The following ADAM19 variants were observed in gnomAD, a reference collection of about 807,000 sequenced individuals.
ADAM19 encodes ADAM metallopeptidase domain 19, also known as disintegrin and metalloproteinase domain-containing protein 19.
ADAM19 carries 65 observed loss-of-function variants against 114.7 expected under a neutral mutation model. That is an observed-to-expected ratio of 0.57 (90% CI 0.46 to 0.70). The LOEUF (loss-of-function observed/expected upper bound fraction) is 0.70, where lower values mean the gene tolerates loss of function less well. ADAM19 is among the 30% of genes least tolerant of loss of function. ADAM19 has a pLI of 0.00. For missense variants in ADAM19, 1,063 were observed against 1,204.7 expected (o/e 0.88, Z 1.74); for synonymous variants, 466 against 460.5 (o/e 1.01, Z -0.15).
intron 6 of ADAM19, among the ~76,000 whole-genome samples, chr5:157,519,477 G>A (rs1756208619): frequency 6.6e-6 from 1 of 152,160 alleles, no homozygotes; most frequent in Admixed American, 6.6e-5. Flanking sequence ...TAGAGATGGG[G>A]TTTCGCCATG....
At chr5:157,491,588 C>T (rs1301825128) in intron 18 of ADAM19, 27 bp downstream of exon 18, 1 of 1,436,554 alleles carries the variant, frequency 7.0e-7, no homozygotes, top group East Asian at 2.5e-5. Flanking sequence ...CAAAAGCGGG[C>T]AGTGGCCCCA....
intron 3 of ADAM19, among the ~76,000 whole-genome samples, chr5:157,544,889 G>A (rs1198390253): frequency 6.6e-6 from 1 of 152,120 alleles, no homozygotes; most frequent in African/African-American, 2.4e-5. Context: ...GAATGTAAGA[G>A]GGTATGAGGA....
At chr5:157,546,902 A>G (rs1039443227) in intron 3 of ADAM19, among the ~76,000 whole-genome samples, 2 of 152,172 alleles carry the variant, frequency 1.3e-5, no homozygotes, top group African/African-American at 4.8e-5. Flanking sequence ...CAATGATATC[A>G]TTGTTTTCAA....
At chr5:157,560,688 T>C (rs1757487291) in intron 3 of ADAM19, among the ~76,000 whole-genome samples, 2 of 152,224 alleles carry the variant, frequency 1.3e-5, no homozygotes, top group Non-Finnish European at 2.9e-5. Flanking sequence ...CTGTATGTGA[T>C]TGTGTCTGTG....
chr5:157,567,665 C>T (rs560406416), intron 2 of ADAM19, among the ~76,000 whole-genome samples: 176 of 152,162 alleles, frequency 1.2e-3, no homozygotes, highest in African/African-American at 3.7e-3. Flanking sequence ...GGCATGGTGG[C>T]GCATGCCTGT....
rs564830672 is a variant in ADAM19, at chr5:157,536,623, G to GTC, written c.330+1288_330+1289dup. Among the ~76,000 whole-genome samples, 237 of 149,334 alleles carry GTC rather than the reference G, an allele frequency of 1.6e-3. 1 individual carries two copies. The highest frequency in any genetic ancestry group is 5.3e-3 in the African/African-American group (213 of 40,560). On this transcript the variant is annotated intron_variant, in intron 4 of 22. Transcript: ENST00000257527. ...AGCCTAGGTTACAGAGTGAAACTCT[G>GTC]TCACACACACACACACACACAAAAT...
chr5:157,505,650 C>T lies in ADAM19; in HGVS notation c.1130+19G>A, dbSNP rs1478306544. 3.1e-6 allele frequency: 5 copies of T among 1,613,054 alleles called. No individual in the cohort carries two copies. Among genetic ancestry groups the T allele is most frequent in the Admixed American group, 1.7e-5 (1 of 59,926 alleles). ...GTGCCCGCCCTCCTCCCCATCCTCC[C>T]TCTTGCTGTTTGACTCACCCAGTGG... On this transcript the variant is annotated intron_variant, in intron 11 of 22. Coordinates refer to ENST00000257527, the MANE Select transcript of ADAM19 (RefSeq NM_033274.5).
At chr5:157,502,672 A>G (rs1755606458) in intron 12 of ADAM19, 131 bp downstream of exon 12, 1 of 965,968 alleles carries the variant, frequency 1.0e-6, no homozygotes, top group African/African-American at 1.6e-5. Context: ...CTGATTTTTC[A>G]TGGGGTATTG....
chr5:157,535,007 C>CT (rs1413427032), intron 4 of ADAM19, among the ~76,000 whole-genome samples: 3 of 151,986 alleles, frequency 2.0e-5, no homozygotes, highest in Admixed American at 6.6e-5. Context: ...GGGCAAGTTA[C>CT]TTTTCCCCTT....
At chr5:157,551,514 A>G (rs1283982584) in intron 3 of ADAM19, among the ~76,000 whole-genome samples, 1 of 152,056 alleles carries the variant, frequency 6.6e-6, no homozygotes, top group East Asian at 1.9e-4. Flanking sequence ...GTCTGGGCAA[A>G]ATTTCTTGAG....
intron 3 of ADAM19, among the ~76,000 whole-genome samples, chr5:157,562,857 G>A (rs72811355): frequency 0.025 from 3,863 of 152,192 alleles, 67 homozygotes; most frequent in South Asian, 0.066. Context: ...ACTCCTGCTT[G>A]GCCAGTCCAA....
At chr5:157,562,395 A>G (rs1757532175) in intron 3 of ADAM19, among the ~76,000 whole-genome samples, 1 of 152,316 alleles carries the variant, frequency 6.6e-6, no homozygotes, top group African/African-American at 2.4e-5. Context: ...TGCTAGAACC[A>G]CAGCCCCGGG....
At chr5:157,571,068 C>G (rs1348017591) in intron 1 of ADAM19, 88 bp from the exon 2 acceptor site, 1 of 1,103,282 alleles carries the variant, frequency 9.1e-7, no homozygotes, top group East Asian at 2.4e-5. Context: ...GCTGCCCCTG[C>G]ACTGGGTCAT....
chr5:157,521,710 TG>T (rs1395890971), intron 5 of ADAM19, among the ~76,000 whole-genome samples: 1 of 151,986 alleles, frequency 6.6e-6, no homozygotes, highest in Non-Finnish European at 1.5e-5. Flanking sequence ...CATCTGGGGG[TG>T]GGAGCGTGGC....
At chr5:157,499,695 G>GTGGTGA in intron 12 of ADAM19, 33 bp from the exon 13 acceptor site, 1 of 1,475,974 alleles carries the variant, frequency 6.8e-7, no homozygotes, top group Non-Finnish European at 9.3e-7. Flanking sequence ...GTGAGTGGGG[G>GTGGTGA]AGGGCCTTCA....
At chr5:157,502,470 T>A (rs1367015385) in intron 12 of ADAM19, among the ~76,000 whole-genome samples, 1 of 152,158 alleles carries the variant, frequency 6.6e-6, no homozygotes, top group Non-Finnish European at 1.5e-5. Context: ...GCCTCCAGAA[T>A]AAATTCCGTG....
At position 157,478,832 on chromosome 5, in the gene ADAM19, T is replaced by C. The variant is rs1360625229; in HGVS notation, c.*2117A>G. 14 of 985,222 alleles carry C rather than the reference T, an allele frequency of 1.4e-5. No homozygotes were observed. Among genetic ancestry groups the C allele is most frequent in the Non-Finnish European group, 1.7e-5 (14 of 829,858 alleles). 61.0% of individuals were successfully genotyped at this position (985,222 alleles called of 1,614,324 possible). A position where few individuals can be genotyped will look rare whatever the true frequency, so the allele number is the denominator to read the frequency against. On this transcript the variant is annotated 3_prime_UTR_variant, in exon 23 of 23. Coordinates refer to ENST00000257527, the MANE Select transcript of ADAM19 (RefSeq NM_033274.5). Reference sequence around the variant, plus strand: ...CTTTCTGGTGTGGTTCCAGGGAGGGTGGACTGCAGGTTCAGATGGCTCATG... The same window carrying C: ...CTTTCTGGTGTGGTTCCAGGGAGGGCGGACTGCAGGTTCAGATGGCTCATG...
chr5:157,516,871 C>T (rs1756105128), intron 7 of ADAM19, among the ~76,000 whole-genome samples: 1 of 152,018 alleles, frequency 6.6e-6, no homozygotes, highest in Admixed American at 6.6e-5. Flanking sequence ...TTGGATTTTG[C>T]TCCCCACACT....
chr5:157,542,468 C>T (rs1342952635), intron 3 of ADAM19, among the ~76,000 whole-genome samples: 1 of 152,190 alleles, frequency 6.6e-6, no homozygotes, highest in Non-Finnish European at 1.5e-5. Flanking sequence ...CCTTCCAAAG[C>T]CTGGAAATGA....
Sources: gnomAD v4.1 joint callset for allele counts (sites outside exome capture counted in the v4.1 genomes callset) on GRCh38, gnomAD v4.1.1 for gene constraint, MANE v1.5 for transcripts, NCBI Gene and HGNC (gene_info 2026-07-23, HGNC 2026-07-21) for gene names.